Variants in DNAH10 observed in about 807,000 individuals in gnomAD.
The protein encoded by DNAH10 is axonemal beta dynein heavy chain 10.
DNAH10 carries 348 observed loss-of-function variants against 506.6 expected under a neutral mutation model. The ratio of observed to expected loss-of-function variants is 0.69; its 90% CI spans 0.63 to 0.75. DNAH10 has a LOEUF of 0.75. DNAH10 is among the 30% of genes least tolerant of loss of function. DNAH10 has a pLI of 0.00. For missense variants in DNAH10, 5,179 were observed against 5,787.1 expected (o/e 0.89, Z 3.41); for synonymous variants, 2,059 against 2,198.6 (o/e 0.94, Z 1.78).
intron 38 of DNAH10, among the ~76,000 whole-genome samples, chr12:123,860,262 C>T (rs898857544): frequency 3.9e-5 from 6 of 152,200 alleles, no homozygotes; most frequent in African/African-American, 1.4e-4. Flanking sequence ...GTCATATGTT[C>T]CCATTATTTC....
intron 12 of DNAH10, 117 bp downstream of exon 12, chr12:123,794,229 C>A: frequency 3.6e-6 from 3 of 823,650 alleles, no homozygotes; most frequent in Admixed American, 5.3e-5. Flanking sequence ...TAGAATTTTC[C>A]CAAATTAGCA....
intron 18 of DNAH10, among the ~76,000 whole-genome samples, chr12:123,805,779 T>C (rs1354615431): frequency 2.0e-5 from 3 of 151,250 alleles, no homozygotes; most frequent in Non-Finnish European, 4.4e-5. Context: ...TTTTCTTTTT[T>C]TTTTTTTTTT....
chr12:123,923,455 C>A (rs927887934), intron 65 of DNAH10: 1 of 202,046 alleles, frequency 4.9e-6, no homozygotes, highest in Non-Finnish European at 9.8e-6. Context: ...GTGGAGAGGG[C>A]TGCCCCTGCT....
At position 123,903,037 on chromosome 12, in the gene DNAH10, G is replaced by A; in HGVS notation, c.9739G>A (p.Ala3247Thr). Residue 3247 changes from alanine (A) to threonine (T), a missense_variant, in exon 57 of 79, where the codon GCA (alanine) becomes ACA (threonine). This residue lies in a region of DNAH10 where 4,844 missense variants were observed against 5,430.5 expected (regional missense o/e 0.89). Transcript: ENST00000673944. This position sits in a 1 kb window ranked among gnomAD's most constrained non-coding sequence, Gnocchi z 4.6. ...MEKAEAETTL[A>T]EVMPILEAAK... Reference sequence around the variant, plus strand: ...GAAGGCCGAGGCCGAGACGACCCTGGCAGAGGTCATGCCCATCCTGGAGGC... The same window carrying A: ...GAAGGCCGAGGCCGAGACGACCCTGACAGAGGTCATGCCCATCCTGGAGGC... 1 of 1,609,420 alleles carries A rather than the reference G, an allele frequency of 6.2e-7. No individual in the cohort carries two copies. Among genetic ancestry groups the A allele is most frequent in the Non-Finnish European group, 8.5e-7 (1 of 1,177,964 alleles).
chr12:123,832,274 CTATG>C (rs1379047765), intron 26 of DNAH10, among the ~76,000 whole-genome samples: 9 of 151,838 alleles, frequency 5.9e-5, no homozygotes, highest in African/African-American at 2.2e-4. Context: ...ATAATGTACA[CTATG>C]TATTCGTATA....
intron 25 of DNAH10, among the ~76,000 whole-genome samples, chr12:123,828,637 T>G (rs965480394): frequency 3.3e-5 from 5 of 152,214 alleles, no homozygotes; most frequent in African/African-American, 7.2e-5. Flanking sequence ...GGACCCATTG[T>G]ATAAGGGTGA....
rs112488101 is a variant in DNAH10 at position 123,767,051 on chromosome 12, G to A, written c.215-555G>A. 7.5e-3 allele frequency among the ~76,000 whole-genome samples: 1,135 copies of A among 151,534 alleles called. 15 individuals carry two copies. The highest frequency in any genetic ancestry group is 0.026 in the African/African-American group (1,067 of 41,320). ...CTCCCAAGTAGCTGGGATTACAGGC[G>A]CGCACCACCACACCCAGCTAATTTT... is the stretch of plus-strand genomic sequence containing the variant. On this transcript the variant is annotated intron_variant, in intron 1 of 78. Coordinates refer to ENST00000673944, the MANE Select transcript of DNAH10 (RefSeq NM_001372106.1).
chr12:123,888,684 C>T (rs1158131737), intron 52 of DNAH10, among the ~76,000 whole-genome samples: 3 of 152,142 alleles, frequency 2.0e-5, no homozygotes, highest in Admixed American at 6.6e-5. Flanking sequence ...TGAAGCCACT[C>T]GCTTTGGGGT....
At chr12:123,797,379 C>G (rs1032418918) in intron 13 of DNAH10, among the ~76,000 whole-genome samples, 1 of 147,666 alleles carries the variant, frequency 6.8e-6, no homozygotes, top group African/African-American at 2.6e-5. Flanking sequence ...TGCGTTCCTT[C>G]TTTTTCTTTT....
At chr12:123,886,153 AGT>A (rs1419057367) in intron 51 of DNAH10, among the ~76,000 whole-genome samples, 2 of 152,170 alleles carry the variant, frequency 1.3e-5, no homozygotes, top group Admixed American at 1.3e-4. Context: ...CCCACTGGAA[AGT>A]TTTATTATTT....
In DNAH10 at chr12:123,873,585, C is replaced by T. The variant is rs529828353; in HGVS notation, c.7813C>T (p.Arg2605Cys). 6.6e-5 allele frequency: 107 copies of T among 1,612,894 alleles called. No individual in the cohort carries two copies. The highest frequency in any genetic ancestry group is 1.6e-4 in the Middle Eastern group (1 of 6,084). The change falls in exon 46 of 79, where the codon CGC becomes TGC. Residue 2605 changes from arginine to cysteine, a missense_variant. Physicochemically the swap from Arg to Cys is radical, Grantham distance 180. Around this residue, in one of 3 missense-constraint regions of DNAH10, gnomAD observed 4,844 missense variants for 5,430.5 expected, o/e 0.89. Coordinates refer to ENST00000673944, the MANE Select transcript of DNAH10 (RefSeq NM_001372106.1). The part of the protein sequence containing the change: ...NIVLMVNFSS[R>C]TTSMDIQRNL... ...TGTGTTAATGGTCAACTTCTCCTCC[C>T]GCACCACGTCCATGGATATCCAAAG...
At chr12:123,887,806 G>A (rs946000553) in intron 52 of DNAH10, among the ~76,000 whole-genome samples, 1 of 151,046 alleles carries the variant, frequency 6.6e-6, no homozygotes, top group Non-Finnish European at 1.5e-5. Flanking sequence ...GTGCAGTGGC[G>A]TGATCTTGGC....
chr12:123,929,483 A>G lies in DNAH10; in HGVS notation c.12515A>G (p.Gln4172Arg). The G allele has an allele frequency of 1.2e-6, 2 of 1,612,478 alleles. No homozygotes were observed. Among genetic ancestry groups the G allele is most frequent in the Non-Finnish European group, 1.7e-6 (2 of 1,179,348 alleles). Reference protein sequence around the residue: ...VYYDFNESDFQVCMEILNTYL... With the variant: ...VYYDFNESDFRVCMEILNTYL... ...TATGACTTCAATGAGTCTGACTTCC[A>G]GGTGACAGTGGCTGCTTCTCCTTGG... The change falls in exon 71 of 79, where the codon CAG becomes CGG. Residue 4172 changes from glutamine to arginine, a missense_variant and splice_region_variant. By Grantham distance (43) the Gln-to-Arg change is conservative. This residue lies in a region of DNAH10 where 4,844 missense variants were observed against 5,430.5 expected (regional missense o/e 0.89). Coordinates refer to ENST00000673944, the MANE Select transcript of DNAH10 (RefSeq NM_001372106.1).
At chr12:123,908,655 G>A (rs1953921663) in intron 57 of DNAH10, 3 of 432,972 alleles carry the variant, frequency 6.9e-6, no homozygotes, top group Admixed American at 4.9e-5. Flanking sequence ...AACAAGGGCA[G>A]TGGACATCTG....
chr12:123,824,251 G>A (rs1959727674), intron 24 of DNAH10, among the ~76,000 whole-genome samples: 1 of 152,168 alleles, frequency 6.6e-6, no homozygotes, highest in Non-Finnish European at 1.5e-5. Context: ...TTGGCCTGAG[G>A]AGCCGGAAGA....
At chr12:123,820,216 G>A (rs950916689) in intron 23 of DNAH10, among the ~76,000 whole-genome samples, 2 of 152,160 alleles carry the variant, frequency 1.3e-5, no homozygotes, top group African/African-American at 4.8e-5. Flanking sequence ...GGAATTGGGG[G>A]AGAAGCATAG....
chr12:123,926,237 TA>T lies in DNAH10; in HGVS notation c.11922-382del, dbSNP rs869303760. Among the ~76,000 whole-genome samples, 2,449 of 108,296 alleles carry T rather than the reference TA, an allele frequency of 0.023. 23 individuals carry two copies. Among genetic ancestry groups the T allele is most frequent in the Middle Eastern group, 0.036 (8 of 222 alleles). 71.0% of individuals were successfully genotyped at this position (108,296 alleles called of 152,430 possible). ...CAGAGTGAGATTATATATTTCAATT[TA>T]AAAAAAAAAAAAAAAAAGAAAAAGA... On this transcript the variant is annotated intron_variant, in intron 68 of 78. Coordinates refer to ENST00000673944, the MANE Select transcript of DNAH10 (RefSeq NM_001372106.1). This position sits in a 1 kb window ranked among gnomAD's most constrained non-coding sequence, Gnocchi z 4.1.
chr12:123,783,033 G>A (rs1957722140), intron 6 of DNAH10, 74 bp from the exon 7 acceptor site: 8 of 1,474,296 alleles, frequency 5.4e-6, no homozygotes, highest in African/African-American at 2.8e-5. Flanking sequence ...CGACCCAGCC[G>A]GTGAACTTGA....
At chr12:123,791,527 T>G (rs1020412250) in intron 11 of DNAH10, among the ~76,000 whole-genome samples, 2 of 152,356 alleles carry the variant, frequency 1.3e-5, no homozygotes, top group Admixed American at 1.3e-4. Flanking sequence ...TTAGCTGCTA[T>G]TTTAAGTGTT....
Sources: allele counts gnomAD v4.1 joint callset (sites outside exome capture counted in the v4.1 genomes callset), GRCh38; gene constraint gnomAD v4.1.1; regional missense constraint gnomAD v4.1.1; non-coding constraint Gnocchi (gnomAD v3.1); transcripts MANE v1.5; gene names NCBI Gene and HGNC (gene_info 2026-07-23, HGNC 2026-07-21).